TRPC1: variants seen among roughly 807,000 people sequenced by gnomAD.
TRPC1 encodes short transient receptor potential channel 1.
A neutral mutation model predicts 88.2 loss-of-function variants in TRPC1; 42 were observed. That is an observed-to-expected ratio of 0.48 (90% CI 0.37 to 0.62). The LOEUF (loss-of-function observed/expected upper bound fraction) is 0.62, where lower values mean the gene tolerates loss of function less well. Ranked by LOEUF, TRPC1 falls within the 20% of genes least tolerant of loss-of-function variation. The pLI is 0.00. For synonymous variants in TRPC1, 288 were observed against 331.8 expected, an observed-to-expected ratio of 0.87 and a Z score of 1.43; for missense variants, 699 against 957.3, an observed-to-expected ratio of 0.73 and a Z score of 3.56.
chr3:142,783,935 TAAG>T (rs374809799), intron 6 of TRPC1, among the ~76,000 whole-genome samples: 8 of 152,162 alleles, frequency 5.3e-5, no homozygotes, highest in African/African-American at 1.9e-4. Context: ...ATTTGTCAAC[TAAG>T]AAGATTTGTA....
intron 2 of TRPC1, among the ~76,000 whole-genome samples, chr3:142,737,147 G>A (rs1459178739): frequency 6.6e-6 from 1 of 151,894 alleles, no homozygotes; most frequent in Non-Finnish European, 1.5e-5. Flanking sequence ...AGATTCTGAA[G>A]GGAATTTGAT....
intron 4 of TRPC1, among the ~76,000 whole-genome samples, chr3:142,753,887 G>C (rs1183009238): frequency 1.3e-5 from 2 of 151,994 alleles, no homozygotes; most frequent in Non-Finnish European, 2.9e-5. Flanking sequence ...TTGAGTCCAG[G>C]AATTCCAGAC....
chr3:142,787,232 G>C (rs1419155857), intron 7 of TRPC1, among the ~76,000 whole-genome samples: 1 of 152,160 alleles, frequency 6.6e-6, no homozygotes, highest in East Asian at 1.9e-4. Context: ...GCCTTGCCAA[G>C]GAAGTCTTCT....
chr3:142,784,091 T>C (rs575891625), intron 6 of TRPC1, among the ~76,000 whole-genome samples: 1 of 152,308 alleles, frequency 6.6e-6, no homozygotes, highest in East Asian at 1.9e-4. Flanking sequence ...CAGTGCTTTC[T>C]TGGAGCAAGA....
At chr3:142,796,683 G>A (rs1165649807) in intron 9 of TRPC1, among the ~76,000 whole-genome samples, 2 of 152,054 alleles carry the variant, frequency 1.3e-5, no homozygotes, top group Non-Finnish European at 2.9e-5. Flanking sequence ...CTCAAAAAAG[G>A]TTGCCACAAA....
At chr3:142,727,182 A>G (rs1933713637) in intron 1 of TRPC1, among the ~76,000 whole-genome samples, 1 of 152,228 alleles carries the variant, frequency 6.6e-6, no homozygotes, top group African/African-American at 2.4e-5. Context: ...TGTGTATTAC[A>G]TTTGTTCAAT....
chr3:142,780,762 C>T (rs1935933598), intron 5 of TRPC1, 72 bp from the exon 6 acceptor site: 14 of 1,409,498 alleles, frequency 9.9e-6, no homozygotes, highest in Non-Finnish European at 1.0e-5. Flanking sequence ...TGAGTAAAAA[C>T]GTTTTTAGTG....
chr3:142,764,753 GT>G (rs907977903), intron 4 of TRPC1, among the ~76,000 whole-genome samples: 1 of 152,034 alleles, frequency 6.6e-6, no homozygotes, highest in African/African-American at 2.4e-5. Context: ...GATTGAATCT[GT>G]TTGGTGGTCT....
At chr3:142,731,102 T>C (rs993853054) in intron 1 of TRPC1, among the ~76,000 whole-genome samples, 121 of 152,314 alleles carry the variant, frequency 7.9e-4, no homozygotes, top group African/African-American at 2.4e-3. Context: ...ATGGGATCAC[T>C]CTGGTATTTT....
At chr3:142,750,470 G>A (rs1021678270) in intron 4 of TRPC1, among the ~76,000 whole-genome samples, 2 of 152,132 alleles carry the variant, frequency 1.3e-5, no homozygotes, top group African/African-American at 4.8e-5. Flanking sequence ...GTTGGTGGGA[G>A]TGCAAATTAG....
At chr3:142,784,079 C>G (rs1936051738) in intron 6 of TRPC1, among the ~76,000 whole-genome samples, 1 of 151,942 alleles carries the variant, frequency 6.6e-6, no homozygotes, top group Non-Finnish European at 1.5e-5. Context: ...TTAAGAAATC[C>G]GCAGTGCTTT....
chr3:142,736,230 GA>G (rs1934132184), intron 1 of TRPC1, 148 bp from the exon 2 acceptor site: 6 of 505,174 alleles, frequency 1.2e-5, no homozygotes, highest in Non-Finnish European at 1.6e-5. Context: ...TTTCATCAAG[GA>G]AATGTTCACA....
chr3:142,780,103 C>T (rs941311307), intron 5 of TRPC1, among the ~76,000 whole-genome samples: 24 of 152,100 alleles, frequency 1.6e-4, no homozygotes, highest in African/African-American at 5.6e-4. Flanking sequence ...CCGCCTTGGC[C>T]TCCCAAAGTG....
At chr3:142,766,237 G>T (rs1412065052) in intron 4 of TRPC1, among the ~76,000 whole-genome samples, 1 of 152,172 alleles carries the variant, frequency 6.6e-6, no homozygotes, top group East Asian at 1.9e-4. Context: ...GTCTGTGAGG[G>T]TGTTGCCAAA....
chr3:142,780,451 T>C (rs941383359), intron 5 of TRPC1, among the ~76,000 whole-genome samples: 5 of 152,206 alleles, frequency 3.3e-5, no homozygotes, highest in African/African-American at 1.2e-4. Flanking sequence ...CATTAAGATA[T>C]TATGTCTATT....
At chr3:142,725,946 AAAT>A (rs1406990721) in intron 1 of TRPC1, among the ~76,000 whole-genome samples, 3 of 152,206 alleles carry the variant, frequency 2.0e-5, no homozygotes, top group Non-Finnish European at 2.9e-5. Flanking sequence ...TAATAGTATT[AAAT>A]AATATTATGA....
At position 142,759,867 on chromosome 3, in the gene TRPC1, G is replaced by A. The variant is rs139963725; in HGVS notation, c.632+11407G>A. The stretch of plus-strand genomic sequence containing the variant: ...CATCTTGAATTAATTTTTGTATAAG[G>A]TGTAAGGAAGGGAGTCTTGCTCTGT... On this transcript the variant is annotated intron_variant, in intron 4 of 12. Coordinates refer to ENST00000476941, the MANE Select transcript of TRPC1 (RefSeq NM_001251845.2). 9.7e-3 allele frequency among the ~76,000 whole-genome samples: 1,473 copies of A among 152,234 alleles called. 37 individuals carry two copies. Among genetic ancestry groups the A allele is most frequent in the East Asian group, 0.09 (465 of 5,182 alleles).
intron 10 of TRPC1, 109 bp downstream of exon 10, chr3:142,802,453 C>T: frequency 3.9e-6 from 3 of 775,236 alleles, no homozygotes; most frequent in Non-Finnish European, 5.4e-6. Flanking sequence ...TAAGAAATTC[C>T]TTAGTAATGT....
chr3:142,789,738 TATATAGTTATAGAGGA>T (rs1437065308), intron 7 of TRPC1, among the ~76,000 whole-genome samples: 1 of 152,222 alleles, frequency 6.6e-6, no homozygotes, highest in Non-Finnish European at 1.5e-5. Context: ...CCCATAAAAA[TATATAGTTATAGAGGA>T]GCTTCTGGCC....
Sources: allele counts gnomAD v4.1 joint callset (sites outside exome capture counted in the v4.1 genomes callset), GRCh38; gene constraint gnomAD v4.1.1; transcripts MANE v1.5; gene names NCBI Gene and HGNC (gene_info 2026-07-23, HGNC 2026-07-21).